IRF1: variants seen among roughly 807,000 people sequenced by gnomAD.
The protein encoded by IRF1 is interferon regulatory factor-1.
Under a neutral mutation model 43.7 loss-of-function variants are expected in IRF1, and 13 were observed. That is an observed-to-expected ratio of 0.30 (90% CI 0.19 to 0.47). The LOEUF (loss-of-function observed/expected upper bound fraction) is 0.47, where lower values mean the gene tolerates loss of function less well. Among genes scored for constraint, IRF1 ranks in the 20% least tolerant of loss-of-function variants. The pLI, the probability that IRF1 is intolerant of heterozygous loss-of-function variation, is 0.99. For synonymous variants in IRF1, 138 were observed against 146.8 expected (o/e 0.94, Z 0.43); for missense variants, 236 against 408.9 (o/e 0.58, Z 3.65).
In IRF1 at chr5:132,482,994, G is replaced by A. The variant is rs1428690011; in HGVS notation, c.*957C>T. On this transcript the variant is annotated 3_prime_UTR_variant, in exon 10 of 10. Transcript: ENST00000245414. The stretch of plus-strand genomic sequence containing the variant: ...CCTGTTCACCCCAAAGTCAAGTTCA[G>A]GCGGGATGCCAATAATAAGTCCATC... The A allele has an allele frequency of 6.6e-6, 1 of 152,254 alleles. No homozygotes were observed. The highest frequency in any genetic ancestry group is 2.4e-5 in the African/African-American group (1 of 41,402). The allele number at this position is 152,254 out of a possible 1,614,324, so 9.4% of individuals were successfully genotyped here. A position where few individuals can be genotyped will look rare whatever the true frequency, so the allele number is the denominator to read the frequency against.
chr5:132,486,900 T>A (rs1025444175), intron 4 of IRF1, 54 bp downstream of exon 4: 13 of 1,613,896 alleles, frequency 8.1e-6, no homozygotes, highest in Middle Eastern at 1.6e-4. Context: ...CCAGCTGACC[T>A]CCTTCTACCC....
At chr5:132,489,606 C>T (rs1478325218) in intron 1 of IRF1, 123 bp from the exon 2 acceptor site, 3 of 713,160 alleles carry the variant, frequency 4.2e-6, no homozygotes, top group East Asian at 2.7e-5. Context: ...AGGTACTACA[C>T]TCAGTGCGGA....
Position 132,490,407 on chromosome 5 carries a change from C to G in IRF1, c.-6+138G>C, listed in dbSNP as rs1325917313. The G allele has an allele frequency of 6.7e-6, 1 of 149,912 alleles. No homozygotes were observed. Among genetic ancestry groups the G allele is most frequent in the Non-Finnish European group, 1.5e-5 (1 of 67,262 alleles). The allele number at this position is 149,912 out of a possible 1,614,324, so 9.3% of individuals were successfully genotyped here. A position where few individuals can be genotyped will look rare whatever the true frequency, so the allele number is the denominator to read the frequency against. On this transcript the variant is annotated intron_variant, in intron 1 of 9. Coordinates refer to ENST00000245414, the MANE Select transcript of IRF1 (RefSeq NM_002198.3). The surrounding 1 kb of genome is among the most constrained non-coding windows in gnomAD (Gnocchi z 5.8). ...GGCTCGCAGCTCCTCCGGCGCCCCC[C>G]GGAGCCCGCGCGGAGGCCCGGGCAA...
At chr5:132,487,198 G>A (rs1235259331) in intron 3 of IRF1, 68 bp from the exon 4 acceptor site, 1 of 1,504,152 alleles carries the variant, frequency 6.6e-7, no homozygotes, top group African/African-American at 1.4e-5. Context: ...CCCCTGGCCT[G>A]AAGGAGGAAG....
Position 132,487,866 on chromosome 5 carries a change from C to T in IRF1, c.187+60G>A, listed in dbSNP as rs56399643. On this transcript the variant is annotated intron_variant, in intron 3 of 9. Coordinates refer to ENST00000245414, the MANE Select transcript of IRF1 (RefSeq NM_002198.3). ...CCCCAGTGAAGAGCCTCTGTGTTAA[C>T]GTGAGTGCCTCCTCTTGTCTCTACC... is the stretch of plus-strand genomic sequence containing the variant. The T allele has an allele frequency of 5.6e-5, 65 of 1,160,236 alleles. 1 individual carries two copies. The South Asian group carries it at 6.9e-4, about 12-fold the overall frequency. 71.9% of individuals were successfully genotyped at this position (1,160,236 alleles called of 1,614,324 possible). A position where few individuals can be genotyped will look rare whatever the true frequency, so the allele number is the denominator to read the frequency against.
At chr5:132,487,155 A>C in intron 3 of IRF1, 25 bp from the exon 4 acceptor site, 2 of 1,610,590 alleles carry the variant, frequency 1.2e-6, no homozygotes, top group Non-Finnish European at 1.7e-6. Flanking sequence ...AAAAAAGAGG[A>C]TCGTCAGGGC....
In IRF1 at chr5:132,482,965, T is replaced by C. The variant is rs12153431; in HGVS notation, c.*986A>G. The C allele has an allele frequency of 0.13, 20,171 of 152,316 alleles. 1,576 individuals are homozygous for C. The highest frequency in any genetic ancestry group is 0.33 in the East Asian group (1,755 of 5,318). 9.4% of individuals were successfully genotyped at this position (152,316 alleles called of 1,614,324 possible). ...CCGAAAGGATTTTATAATAGATGCA[T>C]GTCCCTGTTCACCCCAAAGTCAAGT... On this transcript the variant is annotated 3_prime_UTR_variant, in exon 10 of 10. Transcript: ENST00000245414.
chr5:132,485,849 A>C (rs985274290), intron 7 of IRF1, 133 bp from the exon 8 acceptor site: 16 of 669,938 alleles, frequency 2.4e-5, no homozygotes, highest in African/African-American at 1.1e-4. Flanking sequence ...ACACACACAC[A>C]CCCTCCCGGT....
In IRF1 at chr5:132,483,168, T is replaced by C. The variant is rs979522398; in HGVS notation, c.*783A>G. ...GTTCACACATGACTTAATGGTTAGA[T>C]GACATTTCCAATTTTAAGTCATACC... On this transcript the variant is annotated 3_prime_UTR_variant, in exon 10 of 10. Coordinates refer to ENST00000245414, the MANE Select transcript of IRF1 (RefSeq NM_002198.3). The C allele has an allele frequency of 3.9e-5, 6 of 152,788 alleles. No homozygotes were observed. The highest frequency in any genetic ancestry group is 7.3e-5 in the Non-Finnish European group (5 of 68,044). The allele number at this position is 152,788 out of a possible 1,614,324, so 9.5% of individuals were successfully genotyped here.
chr5:132,484,190 C>G (rs1188349883), intron 9 of IRF1, 115 bp from the exon 10 acceptor site: 1 of 1,475,476 alleles, frequency 6.8e-7, no homozygotes, highest in Non-Finnish European at 9.3e-7. Context: ...CAGCAGTAAA[C>G]ATCCACTCAG....
chr5:132,484,683 A>C (rs1754472089), intron 8 of IRF1, 186 bp from the exon 9 acceptor site: 9 of 639,254 alleles, frequency 1.4e-5, no homozygotes, highest in Non-Finnish European at 2.4e-5. Flanking sequence ...GCAGAAATGC[A>C]TGTTGGCACT....
At chr5:132,489,266 C>A in intron 2 of IRF1, 126 bp downstream of exon 2, 1 of 735,642 alleles carries the variant, frequency 1.4e-6, no homozygotes. Flanking sequence ...GCATGCAGGA[C>A]CCACTGGGAG....
At chr5:132,485,361 G>C in intron 8 of IRF1, 1 of 376,706 alleles carries the variant, frequency 2.7e-6, no homozygotes, top group Non-Finnish European at 5.0e-6. Context: ...TAGCAGGGCT[G>C]GGGCATGTTG....
rs769720983 is a variant in IRF1 at position 132,486,366 on chromosome 5, C to T, written c.552G>A (p.Ser184=). 1.4e-5 allele frequency: 23 copies of T among 1,611,674 alleles called. No individual in the cohort carries two copies. The East Asian group carries it at 1.6e-4, about 11-fold the overall frequency. The stretch of plus-strand genomic sequence containing the variant: ...GGAGAGTGCTGCTGACAGCACATGG[C>T]GACAGTGCTGGGGAACAGCAGAAGC... ...EVEQALTPAL[S]PCAVSSTLPD... The change falls in exon 7 of 10, where the codon TCG becomes TCA. Residue 184 remains serine (S), a synonymous_variant. Coordinates refer to ENST00000245414, the MANE Select transcript of IRF1 (RefSeq NM_002198.3).
At position 132,486,220 on chromosome 5, in the gene IRF1, A is replaced by G. The variant is rs745759988; in HGVS notation, c.667+31T>C. On this transcript the variant is annotated intron_variant, in intron 7 of 9. Coordinates refer to ENST00000245414, the MANE Select transcript of IRF1 (RefSeq NM_002198.3). ...GCCCTTCACAGGACCCAGACAGTCA[A>G]GCAGGCAGGCCAGGCCCCAGGAGCA... is the stretch of plus-strand genomic sequence containing the variant. 12 of 1,610,520 alleles carry G rather than the reference A, an allele frequency of 7.5e-6. 1 individual carries two copies. Among genetic ancestry groups the G allele is most frequent in the South Asian group, 2.2e-5 (2 of 91,006 alleles).
intron 1 of IRF1, 79 bp from the exon 2 acceptor site, chr5:132,489,562 C>A: frequency 9.4e-7 from 1 of 1,062,520 alleles, no homozygotes; most frequent in Non-Finnish European, 1.5e-6. Flanking sequence ...CCCGAGGTCA[C>A]TTAGTTACCC....
At position 132,490,478 on chromosome 5, in the gene IRF1, C is replaced by T. The variant is rs1325717721; in HGVS notation, c.-6+67G>A. 6.6e-6 allele frequency: 1 copy of T among 151,706 alleles called. No homozygotes were observed. Among genetic ancestry groups the T allele is most frequent in the African/African-American group, 2.4e-5 (1 of 41,350 alleles). 9.4% of individuals were successfully genotyped at this position (151,706 alleles called of 1,614,324 possible). Reference sequence around the variant, plus strand: ...CCAGCCTGGAGCTTTCGACCCCCCACTTCCTGGTGCCCCGCGCGCCTTTTA... The same window carrying T: ...CCAGCCTGGAGCTTTCGACCCCCCATTTCCTGGTGCCCCGCGCGCCTTTTA... On this transcript the variant is annotated intron_variant, in intron 1 of 9. Transcript: ENST00000245414. This position sits in a 1 kb window ranked among gnomAD's most constrained non-coding sequence, Gnocchi z 5.8.
In IRF1 at chr5:132,486,793, A is replaced by T; in HGVS notation, c.414+2T>A. 6.2e-7 allele frequency: 1 copy of T among 1,613,982 alleles called. No homozygotes were observed. Among genetic ancestry groups the T allele is most frequent in the Non-Finnish European group, 8.5e-7 (1 of 1,179,964 alleles). On this transcript the variant is annotated splice_donor_variant, in intron 5 of 9. Coordinates refer to ENST00000245414, the MANE Select transcript of IRF1 (RefSeq NM_002198.3). LOFTEE classifies it high-confidence loss of function. ...GGCCTGGCTGCTTAGGACCACACTC[A>T]CCTTCCTCTTGGCCTTGCTCTTAGC...
chr5:132,486,928 C>A (rs780986408), intron 4 of IRF1, 26 bp downstream of exon 4: 16 of 1,613,878 alleles, frequency 9.9e-6, no homozygotes, highest in Non-Finnish European at 1.4e-5. Context: ...CTGAGGGCTT[C>A]CCAAGGACCC....
Sources: allele counts gnomAD v4.1 joint callset, GRCh38; gene constraint gnomAD v4.1.1; non-coding constraint Gnocchi (gnomAD v3.1); transcripts MANE v1.5; gene names NCBI Gene and HGNC (gene_info 2026-07-23, HGNC 2026-07-21).